RAMP3: variants seen among roughly 807,000 people sequenced by gnomAD.
The protein encoded by RAMP3 is receptor activity-modifying protein 3.
RAMP3 carries 14 observed loss-of-function variants against 13.5 expected under a neutral mutation model. That is an observed-to-expected ratio of 1.04 (90% CI 0.69 to 1.63). The LOEUF (loss-of-function observed/expected upper bound fraction) is 1.63. Ranked by LOEUF, RAMP3 falls within the 40% of genes most tolerant of loss-of-function variation. The pLI is 0.00. For synonymous variants in RAMP3, 106 were observed against 88.3 expected (o/e 1.20, Z -1.12); for missense variants, 200 against 204.8 (o/e 0.98, Z 0.14).
At chr7:45,164,193 C>T (rs957512371) in intron 1 of RAMP3, among the ~76,000 whole-genome samples, 4 of 152,294 alleles carry the variant, frequency 2.6e-5, no homozygotes, top group Middle Eastern at 6.8e-3. Flanking sequence ...CCTCTGTTCA[C>T]GTTTTCTAAT....
rs921525306 is a variant in RAMP3, at chr7:45,172,624, C to T, written c.59-4685C>T. On this transcript the variant is annotated intron_variant, in intron 1 of 2. Coordinates refer to ENST00000242249, the MANE Select transcript of RAMP3 (RefSeq NM_005856.3). ...CCGAGTAGGTGGGACCACAGGTGCA[C>T]GCCTCCTTGTCTGGCTAATTTTTGT... Among the ~76,000 whole-genome samples, 6 of 152,282 alleles carry T rather than the reference C, an allele frequency of 3.9e-5. No homozygotes were observed. The East Asian group carries it at 5.8e-4, about 15-fold the overall frequency.
At position 45,177,504 on chromosome 7, in the gene RAMP3, T is replaced by TGCCTGACCACA. The variant is rs1786215785; in HGVS notation, c.191+72_191+82dup. ...ACAGCGCTGCCCACTGCCCAACCAC[T>TGCCTGACCACA]GCCTGACCACAGCCTGACCGCACTC... On this transcript the variant is annotated intron_variant, in intron 2 of 2. Transcript: ENST00000242249. 1.1e-5 allele frequency: 17 copies of TGCCTGACCACA among 1,605,178 alleles called. No homozygotes were observed. In the South Asian group the frequency reaches 1.9e-4, roughly 18 times the overall value.
intron 1 of RAMP3, among the ~76,000 whole-genome samples, chr7:45,164,319 C>G (rs571186717): frequency 1.3e-5 from 2 of 152,204 alleles, no homozygotes; most frequent in East Asian, 1.9e-4. Context: ...GAGGCCAAGG[C>G]GAGAGGATCA....
intron 1 of RAMP3, among the ~76,000 whole-genome samples, chr7:45,175,527 T>A (rs1272629654): frequency 7.9e-5 from 12 of 152,206 alleles, no homozygotes; most frequent in Non-Finnish European, 1.5e-4. Context: ...CAGGGGCCCT[T>A]CTCAGTGCTG....
chr7:45,163,978 G>A (rs778427385), intron 1 of RAMP3: 30 of 752,404 alleles, frequency 4.0e-5, no homozygotes, highest in Non-Finnish European at 4.4e-5. Context: ...GAGTACTGTG[G>A]CTGAAAACCC....
chr7:45,159,454 G>C (rs1320726534), intron 1 of RAMP3, among the ~76,000 whole-genome samples: 1 of 152,224 alleles, frequency 6.6e-6, no homozygotes, highest in African/African-American at 2.4e-5. Context: ...GGAGGGTGCA[G>C]GCCTCTGGGG....
At chr7:45,169,919 A>G (rs1266606363) in intron 1 of RAMP3, among the ~76,000 whole-genome samples, 1 of 152,228 alleles carries the variant, frequency 6.6e-6, no homozygotes, top group Admixed American at 6.5e-5. Context: ...GGGAGATGCA[A>G]TTCATTCCAT....
chr7:45,177,698 C>T (rs955510476), intron 2 of RAMP3, among the ~76,000 whole-genome samples: 6 of 152,192 alleles, frequency 3.9e-5, no homozygotes, highest in South Asian at 2.1e-4. Context: ...CTCACGGCCC[C>T]GCCCATGCCG....
rs1174534282 is a variant in RAMP3, at chr7:45,183,454, A to G, written c.*42A>G. The G allele has an allele frequency of 1.9e-6, 3 of 1,599,682 alleles. No individual in the cohort carries two copies. In the Admixed American group the frequency reaches 5.0e-5, roughly 27 times the overall value. The stretch of plus-strand genomic sequence containing the variant: ...GAGTGGGTCACACCTGGCAAGCTGG[A>G]AGAAAGTTCCCTGGGGATGGGAGAG... On this transcript the variant is annotated 3_prime_UTR_variant, in exon 3 of 3. Coordinates refer to ENST00000242249, the MANE Select transcript of RAMP3 (RefSeq NM_005856.3).
intron 1 of RAMP3, among the ~76,000 whole-genome samples, chr7:45,159,112 C>T (rs2165173): frequency 0.36 from 54,715 of 152,104 alleles, 12,171 homozygotes; most frequent in Admixed American, 0.47. Flanking sequence ...GCACAGAATC[C>T]CCCCTTAATA....
chr7:45,181,229 C>T (rs1786305788), intron 2 of RAMP3, among the ~76,000 whole-genome samples: 1 of 152,214 alleles, frequency 6.6e-6, no homozygotes, highest in African/African-American at 2.4e-5. Flanking sequence ...GTTGGAGAGG[C>T]CCTGCCATGT....
At chr7:45,174,296 G>A (rs1786137139) in intron 1 of RAMP3, among the ~76,000 whole-genome samples, 2 of 152,166 alleles carry the variant, frequency 1.3e-5, no homozygotes, top group Admixed American at 1.3e-4. Flanking sequence ...ACAGATGACA[G>A]GGGCCTAAGG....
chr7:45,183,437 C>T lies in RAMP3; in HGVS notation c.*25C>T. On this transcript the variant is annotated 3_prime_UTR_variant, in exon 3 of 3. Coordinates refer to ENST00000242249, the MANE Select transcript of RAMP3 (RefSeq NM_005856.3). ...AGGGTCCCGGTGAGATGGAGTGGGT[C>T]ACACCTGGCAAGCTGGAAGAAAGTT... 6.2e-7 allele frequency: 1 copy of T among 1,603,908 alleles called. No individual in the cohort carries two copies. Among genetic ancestry groups the T allele is most frequent in the South Asian group, 1.1e-5 (1 of 90,994 alleles).
At chr7:45,166,575 A>C (rs981997839) in intron 1 of RAMP3, among the ~76,000 whole-genome samples, 5 of 152,184 alleles carry the variant, frequency 3.3e-5, no homozygotes. Flanking sequence ...TATCAGATAT[A>C]CAACTTGCAT....
chr7:45,170,980 G>A (rs1440607221), intron 1 of RAMP3, among the ~76,000 whole-genome samples: 1 of 151,238 alleles, frequency 6.6e-6, no homozygotes, highest in East Asian at 1.9e-4. Flanking sequence ...TCCAAGTACT[G>A]TTTTAGCTGC....
chr7:45,168,279 G>A (rs1786010037), intron 1 of RAMP3, among the ~76,000 whole-genome samples: 1 of 151,768 alleles, frequency 6.6e-6, no homozygotes, highest in African/African-American at 2.4e-5. Flanking sequence ...GCAGGTGCCT[G>A]TAATCCCAAC....
chr7:45,161,962 C>G (rs1785876264), intron 1 of RAMP3, among the ~76,000 whole-genome samples: 1 of 151,932 alleles, frequency 6.6e-6, no homozygotes, highest in Middle Eastern at 3.2e-3. Flanking sequence ...GACGCCAGAC[C>G]CAGGGGTGAG....
intron 1 of RAMP3, among the ~76,000 whole-genome samples, chr7:45,162,873 T>C (rs1785890778): frequency 6.6e-6 from 1 of 152,212 alleles, no homozygotes; most frequent in Non-Finnish European, 1.5e-5. Context: ...TGGCTCCTGC[T>C]TGCTGCTCTT....
Position 45,174,673 on chromosome 7 carries a change from C to T in RAMP3, c.59-2636C>T, listed in dbSNP as rs149954387. On this transcript the variant is annotated intron_variant, in intron 1 of 2. Transcript: ENST00000242249. ...CCTTCTGACTGTGGCTGCCTGTATG[C>T]GCAGCCCCTATATGGCCTGTGCATC... is the stretch of plus-strand genomic sequence containing the variant. 1.3e-3 allele frequency among the ~76,000 whole-genome samples: 200 copies of T among 152,228 alleles called. 2 individuals carry two copies. The East Asian group carries it at 0.034, about 26-fold the overall frequency.
Sources: allele counts gnomAD v4.1 joint callset (sites outside exome capture counted in the v4.1 genomes callset), GRCh38; gene constraint gnomAD v4.1.1; transcripts MANE v1.5; gene names NCBI Gene and HGNC (gene_info 2026-07-23, HGNC 2026-07-21).